The following NRXN1 variants were observed in gnomAD, a reference collection of about 807,000 sequenced individuals.
NRXN1 encodes neurexin 1.
A neutral mutation model predicts 150.9 loss-of-function variants in NRXN1; 39 were observed. The observed-to-expected ratio is 0.26, with a 90% CI of 0.20 to 0.34. The LOEUF is 0.34. Ranked by LOEUF, NRXN1 falls within the 10% of genes least tolerant of loss-of-function variation. The pLI, the probability that NRXN1 is intolerant of heterozygous loss-of-function variation, is 1.00. For synonymous variants in NRXN1, 924 were observed against 757.0 expected, an observed-to-expected ratio of 1.22 and a Z score of -3.62; for missense variants, 1,815 against 1,949.9, an observed-to-expected ratio of 0.93 and a Z score of 1.30.
intron 5 of NRXN1, among the ~76,000 whole-genome samples, chr2:50,630,877 G>C (rs1049233299): frequency 2.6e-5 from 4 of 151,772 alleles, no homozygotes; most frequent in African/African-American, 9.6e-5. Context: ...TGACCAAGCA[G>C]ATGTACACAT....
At chr2:50,231,500 A>C (rs2064937039) in intron 18 of NRXN1, among the ~76,000 whole-genome samples, 1 of 152,100 alleles carries the variant, frequency 6.6e-6, no homozygotes, top group South Asian at 2.1e-4. Context: ...TTCTAAATCA[A>C]AATCAATTAA....
chr2:50,676,223 T>TC (rs1404893196), intron 5 of NRXN1, among the ~76,000 whole-genome samples: 1 of 152,158 alleles, frequency 6.6e-6, no homozygotes, highest in Non-Finnish European at 1.5e-5. Context: ...CCTTCTGTCA[T>TC]GATTGTAAGC....
chr2:50,182,008 C>A (rs1049914766), intron 18 of NRXN1, among the ~76,000 whole-genome samples: 1 of 149,914 alleles, frequency 6.7e-6, no homozygotes, highest in Non-Finnish European at 1.5e-5. Context: ...GTTTCCATAT[C>A]TTTTTTGGTA....
intron 18 of NRXN1, among the ~76,000 whole-genome samples, chr2:50,094,381 A>T (rs1320177499): frequency 6.6e-6 from 1 of 152,194 alleles, no homozygotes; most frequent in African/African-American, 2.4e-5. Context: ...GACAGTTGAG[A>T]TGTGATGTGA....
chr2:50,912,544 A>C (rs1684668725), intron 5 of NRXN1, among the ~76,000 whole-genome samples: 1 of 151,944 alleles, frequency 6.6e-6, no homozygotes, highest in African/African-American at 2.4e-5. Context: ...ATGGGACACT[A>C]GACAAGTATG....
chr2:50,527,633 G>A (rs554342973), intron 12 of NRXN1, among the ~76,000 whole-genome samples: 83 of 152,156 alleles, frequency 5.5e-4, no homozygotes, highest in African/African-American at 1.9e-3. Context: ...GAAACAGTAC[G>A]TATTTTATTA....
At chr2:50,195,472 A>G (rs2061699598) in intron 18 of NRXN1, among the ~76,000 whole-genome samples, 1 of 152,182 alleles carries the variant, frequency 6.6e-6, no homozygotes, top group East Asian at 1.9e-4. Flanking sequence ...GTTGTTGTGC[A>G]TATTTATTAT....
intron 17 of NRXN1, among the ~76,000 whole-genome samples, chr2:50,345,488 G>A (rs2077877986): frequency 6.6e-6 from 1 of 152,156 alleles, no homozygotes; most frequent in African/African-American, 2.4e-5. Context: ...CAAGAAAGAG[G>A]TGGAAAATGG....
chr2:50,429,143 A>C (rs779062229), intron 17 of NRXN1, among the ~76,000 whole-genome samples: 1 of 152,240 alleles, frequency 6.6e-6, no homozygotes, highest in Non-Finnish European at 1.5e-5. Flanking sequence ...TAATGGGAAT[A>C]ATAATGAGAG....
At chr2:50,566,637 C>T (rs750514638) in intron 8 of NRXN1, among the ~76,000 whole-genome samples, 8 of 152,102 alleles carry the variant, frequency 5.3e-5, no homozygotes, top group African/African-American at 7.2e-5. Flanking sequence ...GAACAACAAA[C>T]TTCTACGTCT....
intron 2 of NRXN1, among the ~76,000 whole-genome samples, chr2:50,982,132 G>A (rs1421560458): frequency 6.6e-6 from 1 of 151,992 alleles, no homozygotes; most frequent in Non-Finnish European, 1.5e-5. Flanking sequence ...AAAAGCTATG[G>A]AGAAAAAGCT....
At chr2:50,592,493 C>A (rs1228728262) in intron 8 of NRXN1, among the ~76,000 whole-genome samples, 1 of 152,170 alleles carries the variant, frequency 6.6e-6, no homozygotes, top group Admixed American at 6.5e-5. Flanking sequence ...AACAGAAGTT[C>A]ACAAAACAGA....
intron 5 of NRXN1, among the ~76,000 whole-genome samples, chr2:50,878,065 A>C (rs1678871836): frequency 6.6e-6 from 1 of 151,948 alleles, no homozygotes; most frequent in South Asian, 2.1e-4. Context: ...CTGCTTTTTA[A>C]GGTAGGAGGC....
At chr2:50,788,545 T>C (rs1279772057) in intron 5 of NRXN1, among the ~76,000 whole-genome samples, 1 of 151,952 alleles carries the variant, frequency 6.6e-6, no homozygotes, top group Admixed American at 6.6e-5. Flanking sequence ...ATCATAAGAC[T>C]ATTGTTTCTA....
intron 8 of NRXN1, among the ~76,000 whole-genome samples, chr2:50,594,912 T>G (rs17040885): frequency 0.11 from 17,327 of 151,916 alleles, 1,273 homozygotes; most frequent in African/African-American, 0.21. Context: ...AACTCATTTA[T>G]TCATTATTCA....
intron 19 of NRXN1, among the ~76,000 whole-genome samples, chr2:50,076,504 C>A (rs1187163824): frequency 1.3e-5 from 2 of 152,168 alleles, no homozygotes; most frequent in Admixed American, 6.5e-5. Flanking sequence ...ATTGTCCCCA[C>A]TTTTTAGATT....
At chr2:50,556,813 C>G (rs1244734352) in intron 8 of NRXN1, among the ~76,000 whole-genome samples, 1 of 152,084 alleles carries the variant, frequency 6.6e-6, no homozygotes, top group East Asian at 1.9e-4. Context: ...AATCTCAAAG[C>G]TATTACTAAG....
At chr2:50,309,588 G>A (rs767961055) in intron 17 of NRXN1, among the ~76,000 whole-genome samples, 1 of 152,086 alleles carries the variant, frequency 6.6e-6, no homozygotes, top group Non-Finnish European at 1.5e-5. Context: ...GTTTTCTATG[G>A]CAGTCCCCAT....
chr2:50,357,903 A>G (rs1034728773), intron 17 of NRXN1, among the ~76,000 whole-genome samples: 3 of 152,116 alleles, frequency 2.0e-5, no homozygotes, highest in African/African-American at 7.2e-5. Flanking sequence ...GGGACTGGTT[A>G]GACAGTGGGT....
Sources: allele counts gnomAD v4.1 joint callset (sites outside exome capture counted in the v4.1 genomes callset), GRCh38; gene constraint gnomAD v4.1.1; transcripts MANE v1.5; gene names NCBI Gene and HGNC (gene_info 2026-07-23, HGNC 2026-07-21).